IL1RL1: variants seen among roughly 807,000 people sequenced by gnomAD.
The protein encoded by IL1RL1 is interleukin-1 receptor-like 1.
In IL1RL1, 32 loss-of-function variants were observed where a neutral mutation model predicts 50.9. The ratio of observed to expected loss-of-function variants is 0.63; its 90% CI spans 0.47 to 0.84. The LOEUF is 0.84. Among genes scored for constraint, IL1RL1 ranks in the 40% least tolerant of loss-of-function variants. The pLI is 0.00. For missense variants in IL1RL1, 773 were observed against 662.9 expected (o/e 1.17, Z -1.82); for synonymous variants, 275 against 236.0 (o/e 1.17, Z -1.51).
chr2:102,343,223 T>G (rs374411011), intron 7 of IL1RL1, 46 bp downstream of exon 7: 3 of 1,614,056 alleles, frequency 1.9e-6, no homozygotes, highest in Admixed American at 1.7e-5. Context: ...TTGCACATGG[T>G]TTGCACCTGC....
At chr2:102,348,809 A>AAAATT (rs1677850770) in intron 9 of IL1RL1, among the ~76,000 whole-genome samples, 1 of 152,222 alleles carries the variant, frequency 6.6e-6, no homozygotes, top group Non-Finnish European at 1.5e-5. Context: ...ATTATTAATC[A>AAAATT]AAATTGATGA....
chr2:102,317,876 G>T (rs1449998996), intron 1 of IL1RL1, among the ~76,000 whole-genome samples: 1 of 152,050 alleles, frequency 6.6e-6, no homozygotes, highest in Non-Finnish European at 1.5e-5. Context: ...AGAAAGTGAG[G>T]GAGTGAGTCA....
chr2:102,348,213 C>G, intron 9 of IL1RL1, 122 bp downstream of exon 9: 1 of 748,294 alleles, frequency 1.3e-6, no homozygotes, highest in Non-Finnish European at 2.2e-6. Context: ...GCTTGCTAAT[C>G]TGTTATCAGT....
intron 1 of IL1RL1, among the ~76,000 whole-genome samples, chr2:102,321,499 G>A (rs908265096): frequency 1.3e-5 from 2 of 152,240 alleles, no homozygotes; most frequent in South Asian, 2.1e-4. Flanking sequence ...ATGCAGTGTT[G>A]GTATGTGCGG....
intron 8 of IL1RL1, among the ~76,000 whole-genome samples, chr2:102,346,367 G>T (rs1460943216): frequency 6.6e-5 from 10 of 152,274 alleles, no homozygotes; most frequent in African/African-American, 2.4e-4. Flanking sequence ...AAATACTACA[G>T]TTATGGAGCA....
chr2:102,334,728 G>GGCCA (rs138233126), intron 1 of IL1RL1, among the ~76,000 whole-genome samples: 4,220 of 152,162 alleles, frequency 0.028, 169 homozygotes, highest in African/African-American at 0.096. Context: ...GGCCACACAT[G>GGCCA]GCCAGCTCTG....
intron 1 of IL1RL1, among the ~76,000 whole-genome samples, chr2:102,319,578 A>T (rs1168040119): frequency 1.3e-5 from 2 of 152,204 alleles, no homozygotes. Context: ...CCACCAACTC[A>T]GTGTAAGCTA....
chr2:102,345,301 T>A (rs896289497), intron 8 of IL1RL1: 2 of 985,450 alleles, frequency 2.0e-6, no homozygotes, highest in East Asian at 2.3e-4. Context: ...ATTTCACTCC[T>A]GAGCACTTGC....
In IL1RL1 at chr2:102,343,327, A is replaced by G; in HGVS notation, c.882A>G (p.Glu294=). Residue 294 remains glutamate (E), a synonymous_variant, in exon 8 of 11, where the codon GAA becomes GAG. Coordinates refer to ENST00000233954, the MANE Select transcript of IL1RL1 (RefSeq NM_016232.5). The part of the protein sequence containing the change: ...DMVLRIADVK[E]EDLLLQYDCL... ...TTTTAAGAATAGCTGACGTGAAGGA[A>G]GAGGATTTATTGCTGCAGTACGACT... 1 of 1,614,240 alleles carries G rather than the reference A, an allele frequency of 6.2e-7. No homozygotes were observed. The highest frequency in any genetic ancestry group is 8.5e-7 in the Non-Finnish European group (1 of 1,180,046).
chr2:102,330,936 T>A (rs1337965212), intron 1 of IL1RL1, among the ~76,000 whole-genome samples: 1 of 152,230 alleles, frequency 6.6e-6, no homozygotes, highest in Non-Finnish European at 1.5e-5. Context: ...TTTTTCTGTA[T>A]AATATGAGGT....
At chr2:102,346,767 C>G (rs17696274) in intron 8 of IL1RL1, among the ~76,000 whole-genome samples, 3,659 of 152,258 alleles carry the variant, frequency 0.024, 51 homozygotes, top group Non-Finnish European at 0.038. Flanking sequence ...TGATTCCATA[C>G]TGCTGGTCAT....
At chr2:102,329,250 A>G (rs1654297080) in intron 1 of IL1RL1, among the ~76,000 whole-genome samples, 2 of 152,344 alleles carry the variant, frequency 1.3e-5, no homozygotes, top group South Asian at 4.1e-4. Flanking sequence ...AGGATTCCCT[A>G]TTTAACAAAG....
intron 5 of IL1RL1, 80 bp downstream of exon 5, chr2:102,340,908 T>G: frequency 9.3e-7 from 1 of 1,071,666 alleles, no homozygotes; most frequent in East Asian, 2.8e-5. Flanking sequence ...CTGGTTGGGT[T>G]TCTTGCACTT....
intron 6 of IL1RL1, 88 bp downstream of exon 6, chr2:102,342,382 G>A (rs1677604245): frequency 3.3e-6 from 3 of 897,656 alleles, no homozygotes; most frequent in Non-Finnish European, 5.5e-6. Flanking sequence ...GCAGGGGTCA[G>A]GCAATTAGCA....
chr2:102,339,135 T>G (rs1333700583), intron 3 of IL1RL1, 88 bp downstream of exon 3: 4 of 849,018 alleles, frequency 4.7e-6, no homozygotes, highest in Non-Finnish European at 7.9e-6. Flanking sequence ...TTTCATTCCT[T>G]CCCTAGTCCT....
intron 1 of IL1RL1, among the ~76,000 whole-genome samples, chr2:102,317,965 G>A (rs1280673244): frequency 6.6e-6 from 1 of 152,154 alleles, no homozygotes; most frequent in Non-Finnish European, 1.5e-5. Context: ...AGGCTCGGGA[G>A]GCCAAGCAAC....
At chr2:102,350,836 G>A (rs917005193) in intron 10 of IL1RL1, among the ~76,000 whole-genome samples, 9 of 152,150 alleles carry the variant, frequency 5.9e-5, no homozygotes, top group African/African-American at 1.2e-4. Flanking sequence ...TCAGACACCC[G>A]TCTGTGAGAA....
rs1677863657 is a variant in IL1RL1 at position 102,349,137 on chromosome 2, TG to T, written c.1180del (p.Ala394ProfsTer4). On this transcript the variant is annotated frameshift_variant, in exon 10 of 11. Coordinates refer to ENST00000233954, the MANE Select transcript of IL1RL1 (RefSeq NM_016232.5). LOFTEE classifies it high-confidence loss of function. The stretch of plus-strand genomic sequence containing the variant: ...CACGGAACTACAAATCCAGTACAGA[TG>T]GGGCCAGTCGTGTAGAGCACTTTGT... ...YPRNYKSSTD[G>X]ASRVEHFVHQ... 1.9e-6 allele frequency: 3 copies of T among 1,613,428 alleles called. No individual in the cohort carries two copies. In the South Asian group the frequency reaches 3.3e-5, roughly 18 times the overall value.
intron 1 of IL1RL1, among the ~76,000 whole-genome samples, chr2:102,333,885 G>A (rs1486183083): frequency 1.3e-5 from 2 of 152,116 alleles, no homozygotes; most frequent in Non-Finnish European, 2.9e-5. Context: ...ATGGTCTCCA[G>A]CTCCATCCAT....
Sources: allele counts gnomAD v4.1 joint callset (sites outside exome capture counted in the v4.1 genomes callset), GRCh38; gene constraint gnomAD v4.1.1; transcripts MANE v1.5; gene names NCBI Gene and HGNC (gene_info 2026-07-23, HGNC 2026-07-21).